The following ISL1 variants were observed in gnomAD, a reference collection of about 807,000 sequenced individuals.
ISL1 encodes the protein ISL LIM homeobox 1.
ISL1 carries 4 observed loss-of-function variants against 35.3 expected under a neutral mutation model. That is an observed-to-expected ratio of 0.11 (90% CI 0.06 to 0.26). The LOEUF (loss-of-function observed/expected upper bound fraction) is 0.26. Ranked by LOEUF, ISL1 falls within the 10% of genes least tolerant of loss-of-function variation. ISL1 has a pLI of 1.00. For synonymous variants in ISL1, 186 were observed against 172.3 expected, an observed-to-expected ratio of 1.08 and a Z score of -0.62; for missense variants, 340 against 472.8, an observed-to-expected ratio of 0.72 and a Z score of 2.60.
rs570549870 is a variant in ISL1 at position 51,393,175 on chromosome 5, C to T, written c.934-319C>T. On this transcript the variant is annotated intron_variant, in intron 5 of 5. Coordinates refer to ENST00000230658, the MANE Select transcript of ISL1 (RefSeq NM_002202.3). ...TGTAGCCAGCAGGATAATTTTATTTCGAGCATGCATAGTAGAGTTGTGATG... is the reference window on the plus strand; with the variant it reads ...TGTAGCCAGCAGGATAATTTTATTTTGAGCATGCATAGTAGAGTTGTGATG... 7.9e-5 allele frequency among the ~76,000 whole-genome samples: 12 copies of T among 152,260 alleles called. No individual in the cohort carries two copies. In the East Asian group the frequency reaches 1.2e-3, roughly 15 times the overall value.
rs573780693 is a variant in ISL1, at chr5:51,392,402, A to C, written c.933+961A>C. 4.9e-4 allele frequency among the ~76,000 whole-genome samples: 74 copies of C among 152,200 alleles called. 1 individual carries two copies. In the South Asian group the frequency reaches 0.015, roughly 30 times the overall value. On this transcript the variant is annotated intron_variant, in intron 5 of 5. Transcript: ENST00000230658. ...ACCTTGTTCCCTTTTTTGGAAATGA[A>C]GCTTTAGTTGAGGTTAGCTTTTTAC... is the stretch of plus-strand genomic sequence containing the variant.
At chr5:51,390,043 G>GATTGAA in intron 4 of ISL1, 111 bp downstream of exon 4, 2 of 1,304,394 alleles carry the variant, frequency 1.5e-6, no homozygotes, top group Non-Finnish European at 2.1e-6. Flanking sequence ...TCCTGGGCAG[G>GATTGAA]AGTTTGGCCG....
intron 2 of ISL1, among the ~76,000 whole-genome samples, chr5:51,385,158 G>A (rs181480247): frequency 2.0e-5 from 3 of 152,214 alleles, no homozygotes; most frequent in Admixed American, 1.3e-4. Flanking sequence ...CAAATTCTTT[G>A]GTGGCATCAA....
In ISL1 at chr5:51,383,469, C is replaced by T; in HGVS notation, c.-203C>T. On this transcript the variant is annotated 5_prime_UTR_variant, in exon 1 of 6. Transcript: ENST00000230658. Reference sequence around the variant, plus strand: ...CGCCGAGTCTGCCGCCGCCGCAGCGCCTCCGCTCCGCCAACTCCGCCGGCT... The same window carrying T: ...CGCCGAGTCTGCCGCCGCCGCAGCGTCTCCGCTCCGCCAACTCCGCCGGCT... 1.6e-6 allele frequency: 1 copy of T among 628,028 alleles called. No homozygotes were observed. Among genetic ancestry groups the T allele is most frequent in the Non-Finnish European group, 2.9e-6 (1 of 349,734 alleles). The allele number at this position is 628,028 out of a possible 1,614,324, so 38.9% of individuals were successfully genotyped here.
chr5:51,389,995 G>T lies in ISL1; in HGVS notation c.765+63G>T. On this transcript the variant is annotated intron_variant, in intron 4 of 5. Transcript: ENST00000230658. The surrounding 1 kb of genome is among the most constrained non-coding windows in gnomAD (Gnocchi z 5.0). ...GAAGGAGACGCAGCGTGCGAGGTGC[G>T]TTCCTGGTACGCAGGATCGCACGGT... The T allele has an allele frequency of 6.4e-7, 1 of 1,566,614 alleles. No homozygotes were observed. Among genetic ancestry groups the T allele is most frequent in the Non-Finnish European group, 8.7e-7 (1 of 1,145,538 alleles).
intron 1 of ISL1, 61 bp from the exon 2 acceptor site, chr5:51,384,480 A>C: frequency 6.8e-7 from 1 of 1,469,650 alleles, no homozygotes; most frequent in South Asian, 1.1e-5. Context: ...CGACACTAAA[A>C]GTGTGTTTAT....
intron 2 of ISL1, chr5:51,386,470 T>C (rs1328283412): frequency 2.4e-6 from 1 of 424,540 alleles, no homozygotes; most frequent in Non-Finnish European, 4.6e-6. Flanking sequence ...ACATCTCTCC[T>C]TGGAGAAGCA....
In ISL1 at chr5:51,391,459, G is replaced by A. The variant is rs1747512416; in HGVS notation, c.933+18G>A. On this transcript the variant is annotated intron_variant, in intron 5 of 5. Coordinates refer to ENST00000230658, the MANE Select transcript of ISL1 (RefSeq NM_002202.3). Reference sequence around the variant, plus strand: ...AGCAACTGGTAAGTGTCAGCTCCCAGATGGAAGAGGCTGAATTCCCAACAG... The same window carrying A: ...AGCAACTGGTAAGTGTCAGCTCCCAAATGGAAGAGGCTGAATTCCCAACAG... The A allele has an allele frequency of 6.2e-7, 1 of 1,613,822 alleles. No individual in the cohort carries two copies. The highest frequency in any genetic ancestry group is 1.1e-5 in the South Asian group (1 of 91,082).
intron 1 of ISL1, among the ~76,000 whole-genome samples, chr5:51,383,944 G>C (rs1747275701): frequency 6.6e-6 from 1 of 152,086 alleles, no homozygotes; most frequent in Admixed American, 6.5e-5. Flanking sequence ...GCTTTCTGGT[G>C]CTAAGCGGTG....
In ISL1 at chr5:51,387,831, A is replaced by G; in HGVS notation, c.478+82A>G. ...AGCGGCCACAACAACTATGGTAGCT[A>G]CAGGGGTGGTCGTAGTGTTTGCCTG... On this transcript the variant is annotated intron_variant, in intron 3 of 5. Transcript: ENST00000230658. This position sits in a 1 kb window ranked among gnomAD's most constrained non-coding sequence, Gnocchi z 4.3. The G allele has an allele frequency of 3.9e-6, 6 of 1,555,244 alleles. No homozygotes were observed. The highest frequency in any genetic ancestry group is 4.4e-6 in the Non-Finnish European group (5 of 1,141,390).
rs1308091503 is a variant in ISL1 at position 51,393,524 on chromosome 5, A to C, written c.964A>C (p.Asn322His). The change falls in exon 6 of 6, where the codon AAT becomes CAT. Residue 322 changes from asparagine to histidine, a missense_variant. This residue lies in a region of ISL1 where 104 missense variants were observed against 97.3 expected (regional missense o/e 1.07). Coordinates refer to ENST00000230658, the MANE Select transcript of ISL1 (RefSeq NM_002202.3). ...VNFSEGGPGS[N>H]STGSEVASMS... ...TTTTTCAGAAGGAGGACCGGGCTCT[A>C]ATTCCACTGGCAGTGAAGTAGCATC... 5 of 1,613,604 alleles carry C rather than the reference A, an allele frequency of 3.1e-6. No homozygotes were observed. The highest frequency in any genetic ancestry group is 3.4e-6 in the Non-Finnish European group (4 of 1,179,622).
In ISL1 at chr5:51,387,615, T is replaced by A; in HGVS notation, c.344T>A (p.Ile115Asn). The A allele has an allele frequency of 6.2e-7, 1 of 1,614,230 alleles. No homozygotes were observed. The highest frequency in any genetic ancestry group is 8.5e-7 in the Non-Finnish European group (1 of 1,180,048). ...FRCVACSRQLIPGDEFALRED... is the reference protein window; with the variant it reads ...FRCVACSRQLNPGDEFALRED... The stretch of plus-strand genomic sequence containing the variant: ...TGTGTGGCCTGCAGCCGCCAGCTCA[T>A]CCCTGGGGACGAATTTGCGCTTCGG... Residue 115 changes from isoleucine (I) to asparagine (N), a missense_variant, in exon 3 of 6, where the codon ATC becomes AAC. Ile to Asn is a moderately radical substitution (Grantham distance 149). Coordinates refer to ENST00000230658, the MANE Select transcript of ISL1 (RefSeq NM_002202.3). The surrounding 1 kb of genome is among the most constrained non-coding windows in gnomAD (Gnocchi z 4.3).
At chr5:51,384,414 A>AG (rs1385390956) in intron 1 of ISL1, 127 bp from the exon 2 acceptor site, 22 of 800,588 alleles carry the variant, frequency 2.7e-5, no homozygotes, top group Non-Finnish European at 4.0e-5. Context: ...AAAAAAAAAA[A>AG]AAAAGAAAGA....
At position 51,387,484 on chromosome 5, in the gene ISL1, G is replaced by T; in HGVS notation, c.219-6G>T. The T allele has an allele frequency of 6.2e-7, 1 of 1,613,496 alleles. No individual in the cohort carries two copies. Among genetic ancestry groups the T allele is most frequent in the Non-Finnish European group, 8.5e-7 (1 of 1,179,736 alleles). ...GGCCGCCTCCGCTCCCCCCTCCCCC[G>T]CACAGGTTGTACGGGATCAAATGCG... On this transcript the variant is annotated splice_region_variant and splice_polypyrimidine_tract_variant and intron_variant, in intron 2 of 5. Transcript: ENST00000230658. The surrounding 1 kb of genome is among the most constrained non-coding windows in gnomAD (Gnocchi z 4.3).
intron 5 of ISL1, among the ~76,000 whole-genome samples, chr5:51,392,161 G>A (rs1449079755): frequency 6.6e-6 from 1 of 152,124 alleles, no homozygotes; most frequent in Non-Finnish European, 1.5e-5. Context: ...GAAGTAAAGT[G>A]TTTAATCTGT....
At chr5:51,392,350 T>C (rs1020336421) in intron 5 of ISL1, among the ~76,000 whole-genome samples, 6 of 152,240 alleles carry the variant, frequency 3.9e-5, no homozygotes, top group Non-Finnish European at 5.9e-5. Context: ...GAATCTTGTT[T>C]TATAAAATGT....
At position 51,387,708 on chromosome 5, in the gene ISL1, C is replaced by T. The variant is rs371070257; in HGVS notation, c.437C>T (p.Pro146Leu). 5 of 1,614,062 alleles carry T rather than the reference C, an allele frequency of 3.1e-6. No homozygotes were observed. The highest frequency in any genetic ancestry group is 1.6e-4 in the Middle Eastern group (1 of 6,084). ...VERASLGAGD[P>L]LSPLHPARPL... is the part of the protein sequence containing the mutation. The stretch of plus-strand genomic sequence containing the variant: ...AGGGCCAGTCTAGGCGCTGGCGACC[C>T]GCTCAGTCCCCTGCATCCAGCGCGG... The change falls in exon 3 of 6, where the codon CCG (proline) becomes CTG (leucine). Residue 146 changes from proline to leucine, a missense_variant. Transcript: ENST00000230658. This position sits in a 1 kb window ranked among gnomAD's most constrained non-coding sequence, Gnocchi z 4.3.
chr5:51,390,009 G>A, intron 4 of ISL1, 77 bp downstream of exon 4: 3 of 1,509,538 alleles, frequency 2.0e-6, no homozygotes, highest in Non-Finnish European at 2.7e-6. Flanking sequence ...CTGGTACGCA[G>A]GATCGCACGG....
rs762175306 is a variant in ISL1 at position 51,389,704 on chromosome 5, G to A, written c.537G>A (p.Glu179=). ...ALRPHVHKQP[E]KTTRVRTVLN... The stretch of plus-strand genomic sequence containing the variant: ...GGCCCCACGTCCACAAGCAGCCGGA[G>A]AAGACCACCCGCGTGCGGACTGTGC... Residue 179 remains glutamate, a synonymous_variant, in exon 4 of 6, where the codon GAG becomes GAA. Transcript: ENST00000230658. The surrounding 1 kb of genome is among the most constrained non-coding windows in gnomAD (Gnocchi z 5.0). The A allele has an allele frequency of 1.2e-6, 2 of 1,613,602 alleles. No individual in the cohort carries two copies. Among genetic ancestry groups the A allele is most frequent in the African/African-American group, 1.3e-5 (1 of 74,920 alleles).
Sources: allele counts gnomAD v4.1 joint callset (sites outside exome capture counted in the v4.1 genomes callset), GRCh38; gene constraint gnomAD v4.1.1; regional missense constraint gnomAD v4.1.1; non-coding constraint Gnocchi (gnomAD v3.1); transcripts MANE v1.5; gene names NCBI Gene and HGNC (gene_info 2026-07-23, HGNC 2026-07-21).